The following FRAS1 variants were observed in gnomAD, a reference collection of about 807,000 sequenced individuals.
FRAS1 encodes extracellular matrix organizing protein FRAS1.
A neutral mutation model predicts 435.2 loss-of-function variants in FRAS1; 290 were observed. That is an observed-to-expected ratio of 0.67 (90% CI 0.61 to 0.73). The LOEUF (loss-of-function observed/expected upper bound fraction) is 0.73. FRAS1 is among the 30% of genes least tolerant of loss of function. FRAS1 has a pLI of 0.00. For missense variants in FRAS1, 4,860 were observed against 5,001.5 expected (o/e 0.97, Z 0.85); for synonymous variants, 1,800 against 1,851.0 (o/e 0.97, Z 0.71).
At chr4:78,346,243 C>G (rs1474734642) in intron 20 of FRAS1, among the ~76,000 whole-genome samples, 1 of 152,198 alleles carries the variant, frequency 6.6e-6, no homozygotes, top group Non-Finnish European at 1.5e-5. Flanking sequence ...AATGTTGATT[C>G]TGATTGGGCC....
rs1160173573 is a variant in FRAS1 at position 78,448,253 on chromosome 4, A to G, written c.6211A>G (p.Thr2071Ala). 9 of 1,612,912 alleles carry G rather than the reference A, an allele frequency of 5.6e-6. No individual in the cohort carries two copies. The highest frequency in any genetic ancestry group is 5.9e-6 in the Non-Finnish European group (7 of 1,179,718). Reference sequence around the variant, plus strand: ...GGACACAGGGAGGATGAAGATCTACACAGAACTGCCTGCAAGTGACACACC... The same window carrying G: ...GGACACAGGGAGGATGAAGATCTACGCAGAACTGCCTGCAAGTGACACACC... ...HVDTGRMKIY[T>A]ELPASDTPHL... The change falls in exon 44 of 74, where the codon ACA (threonine) becomes GCA (alanine). Residue 2071 changes from threonine to alanine, a missense_variant. Coordinates refer to ENST00000512123, the MANE Select transcript of FRAS1 (RefSeq NM_025074.7).
intron 2 of FRAS1, among the ~76,000 whole-genome samples, chr4:78,164,300 G>T (rs903157415): frequency 6.6e-6 from 1 of 152,024 alleles, no homozygotes; most frequent in Non-Finnish European, 1.5e-5. Flanking sequence ...TTTTAAAGTG[G>T]TGTACTTGTT....
intron 14 of FRAS1, among the ~76,000 whole-genome samples, chr4:78,288,986 T>A (rs1228785098): frequency 6.6e-6 from 1 of 152,204 alleles, no homozygotes; most frequent in Non-Finnish European, 1.5e-5. Flanking sequence ...GCAGGGTCAT[T>A]TATGTGATGA....
Position 78,117,992 on chromosome 4 carries a change from G to A in FRAS1, c.108+51976G>A, listed in dbSNP as rs111398639. Among the ~76,000 whole-genome samples, 366 of 152,290 alleles carry A rather than the reference G, an allele frequency of 2.4e-3. 1 individual carries two copies. Among genetic ancestry groups the A allele is most frequent in the Middle Eastern group, 0.01 (3 of 294 alleles). Reference sequence around the variant, plus strand: ...ACCTTTGGTCTTTGATGATGGTGACGAACAGATGGGGTTTTGGTGTGGATG... The same window carrying A: ...ACCTTTGGTCTTTGATGATGGTGACAAACAGATGGGGTTTTGGTGTGGATG... On this transcript the variant is annotated intron_variant, in intron 2 of 73. Coordinates refer to ENST00000512123, the MANE Select transcript of FRAS1 (RefSeq NM_025074.7).
chr4:78,522,435 C>T (rs941617220), intron 68 of FRAS1, among the ~76,000 whole-genome samples: 1 of 152,180 alleles, frequency 6.6e-6, no homozygotes, highest in Non-Finnish European at 1.5e-5. Flanking sequence ...ATACCTATGA[C>T]TATGATGACC....
intron 2 of FRAS1, among the ~76,000 whole-genome samples, chr4:78,080,710 C>A (rs1425205784): frequency 6.6e-6 from 1 of 152,168 alleles, no homozygotes; most frequent in South Asian, 2.1e-4. Flanking sequence ...TATTAAGATG[C>A]ATTAATTTTG....
chr4:78,301,858 T>TTG (rs1553941028), intron 14 of FRAS1, among the ~76,000 whole-genome samples: 62 of 150,072 alleles, frequency 4.1e-4, no homozygotes, highest in African/African-American at 1.2e-3. Context: ...TTTTTTTTTT[T>TTG]TTTTTTTTTT....
chr4:78,448,243 G>A lies in FRAS1; in HGVS notation c.6201G>A (p.Met2067Ile), dbSNP rs368949588. The A allele has an allele frequency of 3.5e-5, 53 of 1,512,442 alleles. No individual in the cohort carries two copies. Among genetic ancestry groups the A allele is most frequent in the Non-Finnish European group, 4.6e-5 (52 of 1,126,358 alleles). 93.7% of individuals were successfully genotyped at this position (1,512,442 alleles called of 1,614,324 possible). A position where few individuals can be genotyped will look rare whatever the true frequency, so the allele number is the denominator to read the frequency against. Residue 2067 changes from methionine (M) to isoleucine (I), a missense_variant, in exon 44 of 74, where the codon ATG becomes ATA. Transcript: ENST00000512123. ...TDGLHVDTGR[M>I]KIYTELPASD... Reference sequence around the variant, plus strand: ...GCCTCCACGTGGACACAGGGAGGATGAAGATCTACACAGAACTGCCTGCAA... The same window carrying A: ...GCCTCCACGTGGACACAGGGAGGATAAAGATCTACACAGAACTGCCTGCAA...
rs1357075347 is a variant in FRAS1, at chr4:78,361,604, C to T, written c.2423-1909C>T. Among the ~76,000 whole-genome samples the T allele has an allele frequency of 2.6e-5, 4 of 152,168 alleles. No homozygotes were observed. The East Asian group carries it at 7.7e-4, about 29-fold the overall frequency. ...CTGGACATGAAAGGGAGATCTGCTT[C>T]GTGTACAGGGAACACATCCAGATGA... On this transcript the variant is annotated intron_variant, in intron 20 of 73. Transcript: ENST00000512123.
intron 2 of FRAS1, among the ~76,000 whole-genome samples, chr4:78,149,886 A>G (rs1720571350): frequency 6.6e-6 from 1 of 151,868 alleles, no homozygotes; most frequent in Non-Finnish European, 1.5e-5. Flanking sequence ...CCTCCCTTCA[A>G]CCTCTTGGCT....
chr4:78,309,063 C>A (rs112280041), intron 15 of FRAS1, among the ~76,000 whole-genome samples: 94 of 152,256 alleles, frequency 6.2e-4, no homozygotes, highest in African/African-American at 1.6e-3. Flanking sequence ...AGGGAGGCAA[C>A]AGAGTCGAGT....
chr4:78,210,409 T>C (rs1039136979), intron 2 of FRAS1, among the ~76,000 whole-genome samples: 1 of 152,358 alleles, frequency 6.6e-6, no homozygotes, highest in Admixed American at 6.5e-5. Flanking sequence ...CAACAGACTC[T>C]ATCAGGCCTA....
intron 14 of FRAS1, among the ~76,000 whole-genome samples, chr4:78,301,850 T>TG (rs1728416605): frequency 6.8e-6 from 1 of 148,114 alleles, no homozygotes; most frequent in Non-Finnish European, 1.5e-5. Flanking sequence ...GAAACAGTTT[T>TG]TTTTTTTTTT....
chr4:78,329,358 A>G (rs1215025768), intron 18 of FRAS1, among the ~76,000 whole-genome samples: 1 of 152,234 alleles, frequency 6.6e-6, no homozygotes, highest in Non-Finnish European at 1.5e-5. Context: ...AATGCATTTA[A>G]TTAATGAAGT....
intron 2 of FRAS1, among the ~76,000 whole-genome samples, chr4:78,116,128 A>T (rs1327547630): frequency 1.3e-5 from 2 of 152,156 alleles, no homozygotes; most frequent in African/African-American, 4.8e-5. Context: ...TTTTCCATGT[A>T]GTTGAGCAGT....
At chr4:78,380,296 A>C (rs888695507) in intron 27 of FRAS1, among the ~76,000 whole-genome samples, 2 of 152,086 alleles carry the variant, frequency 1.3e-5, no homozygotes, top group African/African-American at 4.8e-5. Context: ...AAAACTGGTC[A>C]TATAACTAGA....
chr4:78,265,742 A>G (rs1473106970), intron 7 of FRAS1, among the ~76,000 whole-genome samples: 2 of 152,234 alleles, frequency 1.3e-5, no homozygotes, highest in Admixed American at 6.5e-5. Flanking sequence ...ACATTACTCA[A>G]AAGCAAAGAA....
chr4:78,119,033 C>T (rs1718855510), intron 2 of FRAS1, among the ~76,000 whole-genome samples: 1 of 150,624 alleles, frequency 6.6e-6, no homozygotes, highest in Non-Finnish European at 1.5e-5. Flanking sequence ...ATATTTTCTC[C>T]CAGTATAAAC....
chr4:78,366,151 T>TA (rs1364346543), intron 22 of FRAS1, among the ~76,000 whole-genome samples: 8 of 152,154 alleles, frequency 5.3e-5, no homozygotes, highest in African/African-American at 1.9e-4. Flanking sequence ...ATATTCTAGT[T>TA]ATAGGAATCT....
Sources: allele counts gnomAD v4.1 joint callset (sites outside exome capture counted in the v4.1 genomes callset), GRCh38; gene constraint gnomAD v4.1.1; transcripts MANE v1.5; gene names NCBI Gene and HGNC (gene_info 2026-07-23, HGNC 2026-07-21).